GPRIN3: variants seen among roughly 807,000 people sequenced by gnomAD.
GPRIN3 encodes the protein G protein-regulated inducer of neurite outgrowth 3.
A neutral mutation model predicts 13.7 loss-of-function variants in GPRIN3; 12 were observed. The ratio of observed to expected loss-of-function variants is 0.87; its 90% CI spans 0.56 to 1.42. The LOEUF (loss-of-function observed/expected upper bound fraction) is 1.42, where lower values mean the gene tolerates loss of function less well. Ranked by LOEUF, GPRIN3 falls within the 40% of genes most tolerant of loss-of-function variation. The probability of loss-of-function intolerance (pLI) is 0.00; values close to 1 mark genes in which losing one functional copy is unlikely to be tolerated. For missense variants in GPRIN3, 1,009 were observed against 958.7 expected (o/e 1.05, Z -0.69); for synonymous variants, 377 against 372.7 (o/e 1.01, Z -0.13).
chr4:89,267,203 T>C (rs1723804091), intron 1 of GPRIN3, among the ~76,000 whole-genome samples: 1 of 152,182 alleles, frequency 6.6e-6, no homozygotes. Flanking sequence ...CCAAGAGGTT[T>C]CCCATTTTAT....
intron 1 of GPRIN3, among the ~76,000 whole-genome samples, chr4:89,281,962 CTT>C (rs34213357): frequency 0.079 from 10,747 of 136,404 alleles, 559 homozygotes; most frequent in African/African-American, 0.17. Flanking sequence ...ATGCAGTCAT[CTT>C]TTTTTTTTTT....
intron 1 of GPRIN3, among the ~76,000 whole-genome samples, chr4:89,270,732 T>C (rs983039281): frequency 6.6e-6 from 1 of 150,828 alleles, no homozygotes; most frequent in African/African-American, 2.4e-5. Context: ...AGAGAGGAGG[T>C]TTCACCAGGT....
chr4:89,291,058 A>C (rs1281914638), intron 1 of GPRIN3, among the ~76,000 whole-genome samples: 2 of 152,224 alleles, frequency 1.3e-5, no homozygotes, highest in African/African-American at 4.8e-5. Context: ...AAATCTGTTC[A>C]GAGAGCACAT....
chr4:89,249,475 T>A lies in GPRIN3; in HGVS notation c.636A>T (p.Ser212=). 1 of 1,614,074 alleles carries A rather than the reference T, an allele frequency of 6.2e-7. No homozygotes were observed. The highest frequency in any genetic ancestry group is 8.5e-7 in the Non-Finnish European group (1 of 1,179,998). Residue 212 remains serine, a synonymous_variant, in exon 2 of 2, where the codon TCA becomes TCT. Coordinates refer to ENST00000609438, the MANE Select transcript of GPRIN3 (RefSeq NM_198281.3). The part of the protein sequence containing the change: ...PVTAARVVSH[S]SSPVGGPEGE... ...CTTCAGGTCCACCTACAGGAGAGGATGAGTGACTGACCACCCTGGCTGCTG... is the reference window on the plus strand; with the variant it reads ...CTTCAGGTCCACCTACAGGAGAGGAAGAGTGACTGACCACCCTGGCTGCTG...
intron 1 of GPRIN3, among the ~76,000 whole-genome samples, chr4:89,266,611 G>T (rs946151341): frequency 1.3e-5 from 2 of 152,176 alleles, no homozygotes; most frequent in African/African-American, 4.8e-5. Context: ...TGAGACAGCT[G>T]TAAAAGATAG....
intron 1 of GPRIN3, among the ~76,000 whole-genome samples, chr4:89,269,268 A>C (rs2149269765): frequency 6.6e-6 from 1 of 152,302 alleles, no homozygotes; most frequent in East Asian, 1.9e-4. Flanking sequence ...AAATTAGATG[A>C]ATACTTCAAT....
At chr4:89,302,581 C>T (rs766135327) in intron 1 of GPRIN3, among the ~76,000 whole-genome samples, 7 of 152,112 alleles carry the variant, frequency 4.6e-5, no homozygotes, top group Non-Finnish European at 7.4e-5. Context: ...ATTTAATTAC[C>T]GACATGAACA....
chr4:89,243,605 G>C lies in GPRIN3; in HGVS notation c.*4175C>G, dbSNP rs191826295. On this transcript the variant is annotated 3_prime_UTR_variant, in exon 2 of 2. Transcript: ENST00000609438. Reference sequence around the variant, plus strand: ...TAAGGTAGTCGGCTCACTTATGCAAGATACTGCTGAGTTCACTGTTCTACC... The same window carrying C: ...TAAGGTAGTCGGCTCACTTATGCAACATACTGCTGAGTTCACTGTTCTACC... The C allele has an allele frequency of 6.6e-6, 1 of 152,320 alleles. No homozygotes were observed. The highest frequency in any genetic ancestry group is 1.9e-4 in the East Asian group (1 of 5,192). 9.4% of individuals were successfully genotyped at this position (152,320 alleles called of 1,614,324 possible).
intron 1 of GPRIN3, among the ~76,000 whole-genome samples, chr4:89,277,938 T>A (rs1162076414): frequency 2.0e-5 from 3 of 152,192 alleles, no homozygotes; most frequent in African/African-American, 7.2e-5. Context: ...TCAGCTCAGA[T>A]CTATACCTTG....
rs1021412934 is a variant in GPRIN3 at position 89,238,682 on chromosome 4, A to T, written c.*9098T>A. 1.5e-4 allele frequency: 23 copies of T among 152,176 alleles called. No individual in the cohort carries two copies. The highest frequency in any genetic ancestry group is 5.5e-4 in the African/African-American group (23 of 41,448). 9.4% of individuals were successfully genotyped at this position (152,176 alleles called of 1,614,324 possible). On this transcript the variant is annotated 3_prime_UTR_variant, in exon 2 of 2. Transcript: ENST00000609438. Reference sequence around the variant, plus strand: ...CAGGAGGAATTGTTGATTCTATGGGAATTCTATTTTAATTAAAGAAAAAAG... The same window carrying T: ...CAGGAGGAATTGTTGATTCTATGGGTATTCTATTTTAATTAAAGAAAAAAG...
At chr4:89,290,402 G>C (rs1161078074) in intron 1 of GPRIN3, among the ~76,000 whole-genome samples, 1 of 152,062 alleles carries the variant, frequency 6.6e-6, no homozygotes, top group Non-Finnish European at 1.5e-5. Context: ...TAACACCAAA[G>C]CATTGATGGA....
chr4:89,252,898 G>T (rs1291278336), intron 1 of GPRIN3, among the ~76,000 whole-genome samples: 1 of 150,980 alleles, frequency 6.6e-6, no homozygotes, highest in African/African-American at 2.4e-5. Flanking sequence ...TCCTCCCACT[G>T]TCTGCCCTCC....
intron 1 of GPRIN3, among the ~76,000 whole-genome samples, chr4:89,275,892 C>T (rs1197826393): frequency 6.6e-6 from 1 of 152,192 alleles, no homozygotes; most frequent in Admixed American, 6.5e-5. Context: ...ATCTGCCTAA[C>T]TCACCTTAAT....
At chr4:89,286,666 A>G (rs558690138) in intron 1 of GPRIN3, among the ~76,000 whole-genome samples, 1 of 152,288 alleles carries the variant, frequency 6.6e-6, no homozygotes, top group Admixed American at 6.5e-5. Context: ...AAGACTCTCA[A>G]AAAAGAAAAG....
chr4:89,272,615 T>C (rs1723988749), intron 1 of GPRIN3, among the ~76,000 whole-genome samples: 1 of 152,196 alleles, frequency 6.6e-6, no homozygotes, highest in African/African-American at 2.4e-5. Context: ...AGTAGAACTT[T>C]TGCTTTAATG....
At position 89,249,822 on chromosome 4, in the gene GPRIN3, G is replaced by A. The variant is rs374915725; in HGVS notation, c.289C>T (p.Pro97Ser). ...CTCCCTGGCAGCTGGGGATTGCCGGGAGAGTTGAATGTGGCAGGTGCTTTC... is the reference window on the plus strand; with the variant it reads ...CTCCCTGGCAGCTGGGGATTGCCGGAAGAGTTGAATGTGGCAGGTGCTTTC... ...VQKAPATFNSPGNPQLPGSSQ... is the reference protein window; with the variant it reads ...VQKAPATFNSSGNPQLPGSSQ... Residue 97 changes from proline to serine, a missense_variant, in exon 2 of 2, where the codon CCC becomes TCC. By Grantham distance (74) the Pro-to-Ser change is moderately conservative. Transcript: ENST00000609438. 5.5e-5 allele frequency: 89 copies of A among 1,614,082 alleles called. No individual in the cohort carries two copies. The highest frequency in any genetic ancestry group is 3.8e-4 in the Admixed American group (23 of 60,008).
chr4:89,270,577 A>ATATATTTATATATGTATATAATT (rs1553951341), intron 1 of GPRIN3, among the ~76,000 whole-genome samples: 28 of 99,160 alleles, frequency 2.8e-4, no homozygotes, highest in African/African-American at 1.6e-3. Context: ...ATATATATAT[A>ATATATTTATATATGTATATAATT]TATATATATA....
intron 1 of GPRIN3, among the ~76,000 whole-genome samples, chr4:89,300,616 C>T (rs1724868936): frequency 6.6e-6 from 1 of 152,170 alleles, no homozygotes; most frequent in African/African-American, 2.4e-5. Flanking sequence ...CTCTCAGATG[C>T]TCACAGCAAA....
intron 1 of GPRIN3, among the ~76,000 whole-genome samples, chr4:89,270,155 A>G (rs1561204690): frequency 6.6e-6 from 1 of 152,166 alleles, no homozygotes; most frequent in Non-Finnish European, 1.5e-5. Context: ...TATTCACCAT[A>G]AAAGGGCAAA....
Sources: allele counts gnomAD v4.1 joint callset (sites outside exome capture counted in the v4.1 genomes callset), GRCh38; gene constraint gnomAD v4.1.1; transcripts MANE v1.5; gene names NCBI Gene and HGNC (gene_info 2026-07-23, HGNC 2026-07-21).